Variants in SMCHD1 observed in about 807,000 individuals in gnomAD.
The protein encoded by SMCHD1 is structural maintenance of chromosomes flexible hinge domain-containing protein 1.
A neutral mutation model predicts 254.7 loss-of-function variants in SMCHD1; 78 were observed. That is an observed-to-expected ratio of 0.31 (90% CI 0.26 to 0.37). SMCHD1 has a LOEUF of 0.37. Ranked by LOEUF, SMCHD1 falls within the 10% of genes least tolerant of loss-of-function variation. SMCHD1 has a pLI of 1.00. For missense variants in SMCHD1, 1,840 were observed against 2,408.1 expected, an observed-to-expected ratio of 0.76 and a Z score of 4.94; for synonymous variants, 766 against 794.9, an observed-to-expected ratio of 0.96 and a Z score of 0.61.
intron 3 of SMCHD1, among the ~76,000 whole-genome samples, chr18:2,667,718 A>G (rs2073477835): frequency 6.6e-6 from 1 of 152,168 alleles, no homozygotes; most frequent in Non-Finnish European, 1.5e-5. Flanking sequence ...GGTGTTTATC[A>G]TTTCAGACCT....
At chr18:2,666,034 C>A in intron 1 of SMCHD1, 123 bp from the exon 2 acceptor site, 1 of 505,806 alleles carries the variant, frequency 2.0e-6, no homozygotes, top group South Asian at 3.3e-5. Context: ...TTTTGTATTT[C>A]CTAGATAAGT....
rs2075893278 is a variant in SMCHD1, at chr18:2,767,651, GCACTCTTGGCT to G, written c.4720-2040_4720-2030del. ...GTCACCCAGGCTGGAGTGCTTTGGC[GCACTCTTGGCT>G]CAGTGCAACCTCCGCCTCCTGGGTT... On this transcript the variant is annotated intron_variant, in intron 37 of 47. Transcript: ENST00000320876. Among the ~76,000 whole-genome samples, 4 of 140,534 alleles carry G rather than the reference GCACTCTTGGCT, an allele frequency of 2.8e-5. No homozygotes were observed. In the South Asian group the frequency reaches 9.1e-4, roughly 32 times the overall value. 92.2% of individuals were successfully genotyped at this position (140,534 alleles called of 152,430 possible). A position where few individuals can be genotyped will look rare whatever the true frequency, so the allele number is the denominator to read the frequency against.
Position 2,705,722 on chromosome 18 carries a change from T to G in SMCHD1, c.1871T>G (p.Phe624Cys), listed in dbSNP as rs2143233660. Residue 624 changes from phenylalanine to cysteine, a missense_variant, in exon 14 of 48, where the codon TTT (phenylalanine) becomes TGT (cysteine). Phe to Cys is a radical substitution (Grantham distance 205). Around this residue, in one of 9 missense-constraint regions of SMCHD1, gnomAD observed 498 missense variants for 743.5 expected, o/e 0.67. Coordinates refer to ENST00000320876, the MANE Select transcript of SMCHD1 (RefSeq NM_015295.3). ...AAGACAATCAAGACACTTCCCCTCT[T>G]TTATGGAAGCATAGTAAGATTTTTT... is the stretch of plus-strand genomic sequence containing the variant. ...LVKTIKTLPL[F>C]YGSIVRFFLY... 6.2e-7 allele frequency: 1 copy of G among 1,604,004 alleles called. No homozygotes were observed. The highest frequency in any genetic ancestry group is 2.2e-5 in the East Asian group (1 of 44,640).
At chr18:2,725,614 A>G (rs1598371554) in intron 21 of SMCHD1, among the ~76,000 whole-genome samples, 1 of 151,932 alleles carries the variant, frequency 6.6e-6, no homozygotes, top group South Asian at 2.1e-4. Flanking sequence ...TTTTCAGTGT[A>G]TCATTACTTT....
intron 3 of SMCHD1, among the ~76,000 whole-genome samples, chr18:2,668,501 A>AGG (rs1432665887): frequency 1.3e-5 from 2 of 152,196 alleles, no homozygotes; most frequent in African/African-American, 4.8e-5. Flanking sequence ...TTTAAACTTT[A>AGG]GGAGAGTGAC....
intron 27 of SMCHD1, among the ~76,000 whole-genome samples, chr18:2,739,745 C>T (rs1017557865): frequency 6.6e-6 from 1 of 152,004 alleles, no homozygotes; most frequent in Non-Finnish European, 1.5e-5. Flanking sequence ...GAAAAAAAAT[C>T]TTGTCTTTTG....
chr18:2,748,364 GTGTGTGTGTGTGTGTGTGTATA>G (rs2075500574), intron 30 of SMCHD1, among the ~76,000 whole-genome samples: 1 of 33,432 alleles, frequency 3.0e-5, no homozygotes, highest in Non-Finnish European at 6.8e-5. Context: ...GTGTGTGTGT[GTGTGTGTGTGTGTGTGTGTATA>G]TAAATTTTTT....
At chr18:2,748,439 G>A (rs1267037779) in intron 30 of SMCHD1, among the ~76,000 whole-genome samples, 1 of 136,220 alleles carries the variant, frequency 7.3e-6, no homozygotes, top group Non-Finnish European at 1.5e-5. Flanking sequence ...AACGCCCCAG[G>A]CTGGAGTGCA....
Position 2,784,619 on chromosome 18 carries a change from T to C in SMCHD1, c.5717T>C (p.Ile1906Thr), listed in dbSNP as rs1466401928. Residue 1906 changes from isoleucine (I) to threonine (T), a missense_variant and splice_region_variant, in exon 45 of 48, where the codon ATA becomes ACA. Physicochemically the swap from Ile to Thr is moderately conservative, Grantham distance 89 (BLOSUM62 -1). Coordinates refer to ENST00000320876, the MANE Select transcript of SMCHD1 (RefSeq NM_015295.3). ...PKQCLILGEQ[I>T]DLLQQYRSAV... ...CAGTGTCTGATCTTAGGGGAACAAA[T>C]AGGTAAGTTGAATAAGTACTTAAAT... 6.3e-7 allele frequency: 1 copy of C among 1,575,644 alleles called. No individual in the cohort carries two copies. Among genetic ancestry groups the C allele is most frequent in the Middle Eastern group, 1.7e-4 (1 of 5,826 alleles).
At chr18:2,724,748 C>CA in intron 20 of SMCHD1, 151 bp from the exon 21 acceptor site, 1 of 422,512 alleles carries the variant, frequency 2.4e-6, no homozygotes, top group Non-Finnish European at 4.2e-6. Flanking sequence ...AAAAGAAATC[C>CA]ATTGGAATTT....
chr18:2,763,711 A>G lies in SMCHD1; in HGVS notation c.4641A>G (p.Glu1547=). Residue 1547 remains glutamate (E), a synonymous_variant, in exon 37 of 48, where the codon GAA becomes GAG. Transcript: ENST00000320876. ...IIATIKGSNE[E]DTDTPLFIGK... ...CCACCATTAAAGGCTCTAATGAGGA[A>G]GATACTGATACCCCACTTTTTATTG... 1 of 1,610,162 alleles carries G rather than the reference A, an allele frequency of 6.2e-7. No individual in the cohort carries two copies. Among genetic ancestry groups the G allele is most frequent in the Non-Finnish European group, 8.5e-7 (1 of 1,178,044 alleles).
At chr18:2,789,396 G>T (rs1297960173) in intron 45 of SMCHD1, among the ~76,000 whole-genome samples, 1 of 152,068 alleles carries the variant, frequency 6.6e-6, no homozygotes, top group East Asian at 1.9e-4. Context: ...AATTGAATTT[G>T]TAATCTGGAG....
chr18:2,800,909 AG>A (rs2076350082), intron 47 of SMCHD1: 1 of 152,226 alleles, frequency 6.6e-6, no homozygotes, highest in Admixed American at 6.5e-5. Flanking sequence ...AGGACAATTT[AG>A]TAAAGAGACT....
At chr18:2,659,063 A>G (rs1182904021) in intron 1 of SMCHD1, among the ~76,000 whole-genome samples, 1 of 152,186 alleles carries the variant, frequency 6.6e-6, no homozygotes, top group Non-Finnish European at 1.5e-5. Flanking sequence ...TGTAAATTAA[A>G]CCAATAAATG....
intron 41 of SMCHD1, among the ~76,000 whole-genome samples, chr18:2,774,541 G>C (rs1489430951): frequency 6.6e-6 from 1 of 152,004 alleles, no homozygotes; most frequent in East Asian, 1.9e-4. Context: ...CACCCAAGTA[G>C]CTGGGACTAC....
At chr18:2,662,179 TA>T (rs1169605467) in intron 1 of SMCHD1, among the ~76,000 whole-genome samples, 3,985 of 68,024 alleles carry the variant, frequency 0.059, 291 homozygotes, top group African/African-American at 0.18. Flanking sequence ...AAAAAAAAAA[TA>T]AAATAAATAA....
chr18:2,740,622 A>C (rs1462582226), intron 27 of SMCHD1, 81 bp from the exon 28 acceptor site: 2 of 611,498 alleles, frequency 3.3e-6, no homozygotes, highest in Non-Finnish European at 5.1e-6. Flanking sequence ...TAAGTTTCTA[A>C]GCATGTTTTT....
intron 44 of SMCHD1, among the ~76,000 whole-genome samples, chr18:2,780,175 G>T (rs1281722261): frequency 6.8e-6 from 1 of 147,302 alleles, no homozygotes; most frequent in African/African-American, 2.5e-5. Flanking sequence ...GGAGGTGGAG[G>T]TTGCAGTGAG....
At chr18:2,656,327 A>C in intron 1 of SMCHD1, 66 bp downstream of exon 1, 62 of 1,340,354 alleles carry the variant, frequency 4.6e-5, no homozygotes, top group Non-Finnish European at 5.2e-5. Context: ...TGAGAAACTC[A>C]ACTTGCTCAC....
Sources: gnomAD v4.1 joint callset for allele counts (sites outside exome capture counted in the v4.1 genomes callset) on GRCh38, gnomAD v4.1.1 for gene constraint, gnomAD v4.1.1 regional missense constraint, MANE v1.5 for transcripts, NCBI Gene and HGNC (gene_info 2026-07-23, HGNC 2026-07-21) for gene names.